Variants in ZSCAN5A observed in about 807,000 individuals in gnomAD.
The protein encoded by ZSCAN5A is zinc finger and SCAN domain-containing protein 5A.
ZSCAN5A carries 12 observed loss-of-function variants against 23.7 expected under a neutral mutation model. The observed-to-expected ratio is 0.51, with a 90% CI of 0.32 to 0.82. The LOEUF (loss-of-function observed/expected upper bound fraction) is 0.82, where lower values mean the gene tolerates loss of function less well. ZSCAN5A is among the 40% of genes least tolerant of loss of function. The pLI is 0.03. For missense variants in ZSCAN5A, 597 were observed against 617.9 expected (o/e 0.97, Z 0.36); for synonymous variants, 257 against 239.9 (o/e 1.07, Z -0.66).
At chr19:56,247,894 G>C (rs1449629035) in intron 2 of ZSCAN5A, among the ~76,000 whole-genome samples, 1 of 152,040 alleles carries the variant, frequency 6.6e-6, no homozygotes, top group Non-Finnish European at 1.5e-5. Flanking sequence ...GGTTTCACCT[G>C]TTAGCCAGGA....
chr19:56,277,161 T>C (rs1019441677), intron 2 of ZSCAN5A, among the ~76,000 whole-genome samples: 3 of 152,100 alleles, frequency 2.0e-5, no homozygotes, highest in Non-Finnish European at 4.4e-5. Context: ...AAACACTGAG[T>C]TACTCAGCAA....
chr19:56,246,077 G>A (rs2035870168), intron 2 of ZSCAN5A, among the ~76,000 whole-genome samples: 1 of 152,144 alleles, frequency 6.6e-6, no homozygotes, highest in South Asian at 2.1e-4. Context: ...GAACCAAACA[G>A]TGAAAACCAC....
rs150125232 is a variant in ZSCAN5A, at chr19:56,306,179, G to A, written c.-128+7104C>T. Among the ~76,000 whole-genome samples, 15 of 152,352 alleles carry A rather than the reference G, an allele frequency of 9.8e-5. No individual in the cohort carries two copies. The East Asian group carries it at 2.5e-3, about 25-fold the overall frequency. Reference sequence around the variant, plus strand: ...AGTTAAGAGGCTACTCAGTTTCCACGAGATGACGGTAGCCTGGTCAAGGCT... The same window carrying A: ...AGTTAAGAGGCTACTCAGTTTCCACAAGATGACGGTAGCCTGGTCAAGGCT... On this transcript the variant is annotated intron_variant, in intron 2 of 5. Coordinates refer to ENST00000683990, the MANE Select transcript of ZSCAN5A (RefSeq NM_001322064.3).
chr19:56,265,532 A>G (rs1411092071), intron 2 of ZSCAN5A, among the ~76,000 whole-genome samples: 1 of 151,860 alleles, frequency 6.6e-6, no homozygotes, highest in Non-Finnish European at 1.5e-5. Flanking sequence ...GAACACAAAC[A>G]GAGCTGAACT....
intron 2 of ZSCAN5A, chr19:56,244,482 C>T (rs11670659): frequency 0.19 from 283,611 of 1,519,814 alleles, 29,078 homozygotes; most frequent in Non-Finnish European, 0.22. Flanking sequence ...GGGGGCTGCA[C>T]GGTGCAGCTG....
At chr19:56,286,619 T>C (rs956949239) in intron 2 of ZSCAN5A, 17 of 152,252 alleles carry the variant, frequency 1.1e-4, no homozygotes, top group African/African-American at 4.1e-4. Flanking sequence ...CCAAGGCTCT[T>C]TGTGTGAAGG....
At position 56,225,137 on chromosome 19, in the gene ZSCAN5A, T is replaced by C. The variant is rs1321363037; in HGVS notation, c.-91A>G. On this transcript the variant is annotated 5_prime_UTR_variant, in exon 3 of 6. Coordinates refer to ENST00000683990, the MANE Select transcript of ZSCAN5A (RefSeq NM_001322064.3). ...ACCTATCTACACAGGCTTCCTCTGG[T>C]TTTCCTCAGTAATAGATTCACTGTT... 19 of 1,496,994 alleles carry C rather than the reference T, an allele frequency of 1.3e-5. No individual in the cohort carries two copies. In the East Asian group the frequency reaches 4.1e-4, roughly 32 times the overall value. 92.7% of individuals were successfully genotyped at this position (1,496,994 alleles called of 1,614,324 possible).
At chr19:56,253,371 T>C (rs1035460998) in intron 2 of ZSCAN5A, among the ~76,000 whole-genome samples, 1 of 151,600 alleles carries the variant, frequency 6.6e-6, no homozygotes, top group Non-Finnish European at 1.5e-5. Context: ...AGAGAGAAAT[T>C]TGTGGACCCC....
In ZSCAN5A at chr19:56,267,225, ATG is replaced by A. The variant is rs199804742; in HGVS notation, c.-127-42054_-127-42053del. Among the ~76,000 whole-genome samples the A allele has an allele frequency of 3.4e-4, 52 of 152,030 alleles. No homozygotes were observed. The East Asian group carries it at 9.7e-3, about 28-fold the overall frequency. ...CAATGACCAGTACATGAAATTATATATGTGTTTGTCAATATTGTTGTTTGTCT... is the reference window on the plus strand; with the variant it reads ...CAATGACCAGTACATGAAATTATATATGTTTGTCAATATTGTTGTTTGTCT... On this transcript the variant is annotated intron_variant, in intron 2 of 5. Transcript: ENST00000683990.
At chr19:56,295,287 A>C (rs2039791935) in intron 2 of ZSCAN5A, 1 of 152,136 alleles carries the variant, frequency 6.6e-6, no homozygotes, top group Non-Finnish European at 1.5e-5. Flanking sequence ...CCTACATTAG[A>C]GTGACACAAA....
At chr19:56,296,815 C>T (rs112383198) in intron 2 of ZSCAN5A, among the ~76,000 whole-genome samples, 2 of 152,164 alleles carry the variant, frequency 1.3e-5, no homozygotes, top group Non-Finnish European at 2.9e-5. Flanking sequence ...GGGTGGATCA[C>T]CTGAGGTCAG....
At chr19:56,279,454 G>T (rs747964411) in intron 2 of ZSCAN5A, among the ~76,000 whole-genome samples, 9 of 152,134 alleles carry the variant, frequency 5.9e-5, no homozygotes, top group Non-Finnish European at 1.2e-4. Flanking sequence ...ATAATTTAAT[G>T]CTATTATTTC....
chr19:56,265,433 A>G (rs1184259231), intron 2 of ZSCAN5A, among the ~76,000 whole-genome samples: 2 of 151,020 alleles, frequency 1.3e-5, no homozygotes, highest in Admixed American at 1.3e-4. Context: ...AAGCTGGTGG[A>G]AAGTAAACTG....
intron 1 of ZSCAN5A, chr19:56,367,876 A>G (rs2041781902): frequency 1.3e-5 from 2 of 152,212 alleles, no homozygotes; most frequent in Non-Finnish European, 2.9e-5. Context: ...TGGGGCCATC[A>G]GATACACCAA....
At chr19:56,293,068 T>C (rs1406262121) in intron 2 of ZSCAN5A, among the ~76,000 whole-genome samples, 1 of 152,148 alleles carries the variant, frequency 6.6e-6, no homozygotes, top group African/African-American at 2.4e-5. Flanking sequence ...CACCATCCTG[T>C]CCATGCCCCA....
Position 56,304,829 on chromosome 19 carries a change from A to G in ZSCAN5A, c.-128+8454T>C, listed in dbSNP as rs902732829. 39 of 984,002 alleles carry G rather than the reference A, an allele frequency of 4.0e-5. No individual in the cohort carries two copies. The Admixed American group carries it at 9.8e-4, about 25-fold the overall frequency. 61.0% of individuals were successfully genotyped at this position (984,002 alleles called of 1,614,324 possible). On this transcript the variant is annotated intron_variant, in intron 2 of 5. Coordinates refer to ENST00000683990, the MANE Select transcript of ZSCAN5A (RefSeq NM_001322064.3). ...CTACTGTAACTTGGAACTGGACATC[A>G]GGTATGCTATGGCAGGGAAGTGGGC...
Position 56,237,054 on chromosome 19 carries a change from C to T in ZSCAN5A, c.-127-11881G>A, listed in dbSNP as rs577730586. On this transcript the variant is annotated intron_variant, in intron 2 of 5. Coordinates refer to ENST00000683990, the MANE Select transcript of ZSCAN5A (RefSeq NM_001322064.3). ...TGTCAAAGACACCGAGGGGTATTGCCGGGTTCCTTTTAATAAAAACCCTAA... is the reference window on the plus strand; with the variant it reads ...TGTCAAAGACACCGAGGGGTATTGCTGGGTTCCTTTTAATAAAAACCCTAA... Among the ~76,000 whole-genome samples the T allele has an allele frequency of 9.2e-5, 14 of 152,362 alleles. No homozygotes were observed. In the South Asian group the frequency reaches 1.4e-3, roughly 16 times the overall value.
intron 2 of ZSCAN5A, among the ~76,000 whole-genome samples, chr19:56,300,579 C>G (rs1024894050): frequency 2.0e-5 from 3 of 152,200 alleles, no homozygotes; most frequent in Non-Finnish European, 4.4e-5. Context: ...CGCAGGCTTA[C>G]TTAGCTTTGA....
At position 56,230,716 on chromosome 19, in the gene ZSCAN5A, C is replaced by T. The variant is rs183993561; in HGVS notation, c.-127-5543G>A. Reference sequence around the variant, plus strand: ...TCAAGTATACAGTACAGATGCTCCTCGACTTACAATGAAGTTACATCCTGA... The same window carrying T: ...TCAAGTATACAGTACAGATGCTCCTTGACTTACAATGAAGTTACATCCTGA... On this transcript the variant is annotated intron_variant, in intron 2 of 5. Transcript: ENST00000683990. 2.0e-3 allele frequency among the ~76,000 whole-genome samples: 307 copies of T among 151,720 alleles called. 1 individual carries two copies. The highest frequency in any genetic ancestry group is 4.0e-3 in the Non-Finnish European group (270 of 67,972).
Sources: gnomAD v4.1 joint callset for allele counts (sites outside exome capture counted in the v4.1 genomes callset) on GRCh38, gnomAD v4.1.1 for gene constraint, MANE v1.5 for transcripts, NCBI Gene and HGNC (gene_info 2026-07-23, HGNC 2026-07-21) for gene names.